The following PDLIM5 variants were observed in gnomAD, a reference collection of about 807,000 sequenced individuals.
The protein encoded by PDLIM5 is PDZ and LIM domain 5.
Under a neutral mutation model 64.2 loss-of-function variants are expected in PDLIM5, and 34 were observed. That is an observed-to-expected ratio of 0.53 (90% CI 0.40 to 0.71). The LOEUF is 0.71. Ranked by LOEUF, PDLIM5 falls within the 30% of genes least tolerant of loss-of-function variation. The pLI, the probability that PDLIM5 is intolerant of heterozygous loss-of-function variation, is 0.00. For missense variants in PDLIM5, 683 were observed against 733.6 expected, an observed-to-expected ratio of 0.93 and a Z score of 0.80; for synonymous variants, 253 against 269.1, an observed-to-expected ratio of 0.94 and a Z score of 0.59.
intron 3 of PDLIM5, among the ~76,000 whole-genome samples, chr4:94,540,848 G>A (rs1731745734): frequency 6.6e-6 from 1 of 152,104 alleles, no homozygotes; most frequent in South Asian, 2.1e-4. Context: ...TCAGCTTTTG[G>A]TTGGTATGAG....
chr4:94,491,613 C>T (rs879510779), intron 2 of PDLIM5, among the ~76,000 whole-genome samples: 41 of 151,782 alleles, frequency 2.7e-4, no homozygotes, highest in Non-Finnish European at 1.2e-4. Context: ...TTTTTTTTTA[C>T]AGCATTGGTA....
chr4:94,589,153 G>T (rs1467330396), intron 7 of PDLIM5, among the ~76,000 whole-genome samples: 1 of 151,926 alleles, frequency 6.6e-6, no homozygotes, highest in African/African-American at 2.4e-5. Context: ...TGGAATTAAA[G>T]CCTCATAAAA....
chr4:94,655,270 A>G (rs985326037), intron 10 of PDLIM5, among the ~76,000 whole-genome samples: 1 of 152,092 alleles, frequency 6.6e-6, no homozygotes, highest in Admixed American at 6.6e-5. Flanking sequence ...GAATACATGA[A>G]TTTCTTGCTC....
At chr4:94,648,734 G>A (rs1265804520) in intron 9 of PDLIM5, among the ~76,000 whole-genome samples, 3 of 152,130 alleles carry the variant, frequency 2.0e-5, no homozygotes, top group African/African-American at 4.8e-5. Flanking sequence ...CCAAGCCCAC[G>A]CAGGTTGTTG....
intron 3 of PDLIM5, among the ~76,000 whole-genome samples, chr4:94,550,484 G>A (rs1364171258): frequency 6.6e-6 from 1 of 152,194 alleles, no homozygotes; most frequent in African/African-American, 2.4e-5. Context: ...AAAGATGCAA[G>A]CAAACAGTGT....
intron 8 of PDLIM5, among the ~76,000 whole-genome samples, chr4:94,636,692 C>T (rs1037705737): frequency 6.6e-5 from 10 of 151,966 alleles, no homozygotes; most frequent in East Asian, 5.8e-4. Context: ...GCCCACCACG[C>T]GCAGCTAATT....
Position 94,575,897 on chromosome 4 carries a change from A to G in PDLIM5, c.573A>G (p.Pro191=), listed in dbSNP as rs1288693666. The G allele has an allele frequency of 6.2e-7, 1 of 1,614,000 alleles. No homozygotes were observed. Among genetic ancestry groups the G allele is most frequent in the African/African-American group, 1.3e-5 (1 of 74,888 alleles). ...ANANLSADQS[P]SALSAGKTAV... ...CCAATCTTAGTGCTGACCAGTCTCC[A>G]TCTGCACTGAGCGCTGGTAAAACTG... Residue 191 remains proline (P), a synonymous_variant, in exon 5 of 13, where the codon CCA becomes CCG. Coordinates refer to ENST00000317968, the MANE Select transcript of PDLIM5 (RefSeq NM_006457.5).
intron 9 of PDLIM5, among the ~76,000 whole-genome samples, chr4:94,653,831 C>G (rs2110487814): frequency 6.6e-6 from 1 of 152,092 alleles, no homozygotes; most frequent in South Asian, 2.1e-4. Context: ...TGAAATGAAA[C>G]CTTTCTGAGT....
intron 2 of PDLIM5, among the ~76,000 whole-genome samples, chr4:94,488,806 T>TCTCCACC (rs1359489661): frequency 3.3e-5 from 5 of 152,194 alleles, no homozygotes; most frequent in Non-Finnish European, 7.3e-5. Flanking sequence ...ACATTCCCCC[T>TCTCCACC]CTCCACCCTC....
chr4:94,464,692 A>G (rs1009782766), intron 2 of PDLIM5, among the ~76,000 whole-genome samples: 1 of 152,164 alleles, frequency 6.6e-6, no homozygotes, highest in Non-Finnish European at 1.5e-5. Flanking sequence ...CCTTTGAAGT[A>G]TCTTTATGCT....
chr4:94,484,557 A>G (rs1450126195), intron 2 of PDLIM5, among the ~76,000 whole-genome samples: 3 of 152,166 alleles, frequency 2.0e-5, no homozygotes, highest in African/African-American at 7.2e-5. Flanking sequence ...TTTGTATCTC[A>G]TGTCACTCTG....
At chr4:94,583,307 A>C (rs887611216) in intron 5 of PDLIM5, among the ~76,000 whole-genome samples, 1 of 152,134 alleles carries the variant, frequency 6.6e-6, no homozygotes, top group Admixed American at 6.5e-5. Flanking sequence ...ATAACTAAAA[A>C]TACTACTTAG....
intron 5 of PDLIM5, among the ~76,000 whole-genome samples, chr4:94,584,086 T>A (rs1735964626): frequency 6.6e-6 from 1 of 152,230 alleles, no homozygotes. Context: ...ACTGTTAAAA[T>A]GATGACAGTC....
At chr4:94,637,864 G>C (rs564648290) in intron 8 of PDLIM5, among the ~76,000 whole-genome samples, 2 of 152,306 alleles carry the variant, frequency 1.3e-5, no homozygotes, top group Admixed American at 1.3e-4. Context: ...TAGGAGACTT[G>C]CAATAGTCCA....
intron 2 of PDLIM5, among the ~76,000 whole-genome samples, chr4:94,504,172 A>G (rs975210849): frequency 1.3e-5 from 2 of 152,234 alleles, no homozygotes; most frequent in Non-Finnish European, 2.9e-5. Flanking sequence ...CCTATTAACT[A>G]GATTGAAGCT....
intron 8 of PDLIM5, among the ~76,000 whole-genome samples, chr4:94,637,685 A>G (rs1237782046): frequency 6.6e-6 from 1 of 152,244 alleles, no homozygotes; most frequent in Non-Finnish European, 1.5e-5. Flanking sequence ...AAGGTTTTAC[A>G]GAAGATTGGA....
At chr4:94,584,679 C>T (rs980137030) in intron 5 of PDLIM5, 18 of 308,290 alleles carry the variant, frequency 5.8e-5, no homozygotes, top group Non-Finnish European at 5.3e-5. Flanking sequence ...AAATTGTATT[C>T]GGAATTGCTA....
intron 7 of PDLIM5, among the ~76,000 whole-genome samples, chr4:94,606,331 C>T (rs1007867717): frequency 2.0e-5 from 3 of 152,090 alleles, no homozygotes; most frequent in African/African-American, 7.2e-5. Flanking sequence ...CAGCACATGA[C>T]AGGGGCAGCT....
At chr4:94,651,159 G>C (rs1741817479) in intron 9 of PDLIM5, among the ~76,000 whole-genome samples, 2 of 152,148 alleles carry the variant, frequency 1.3e-5, no homozygotes, top group African/African-American at 4.8e-5. Context: ...TGCTATATGT[G>C]AAAGATTAAT....
Sources: allele counts gnomAD v4.1 joint callset (sites outside exome capture counted in the v4.1 genomes callset), GRCh38; gene constraint gnomAD v4.1.1; transcripts MANE v1.5; gene names NCBI Gene and HGNC (gene_info 2026-07-23, HGNC 2026-07-21).